PGK1: variants seen among roughly 807,000 people sequenced by gnomAD.
PGK1 encodes the protein phosphoglycerate kinase 1.
PGK1 carries 3 observed loss-of-function variants against 26.9 expected under a neutral mutation model. That is an observed-to-expected ratio of 0.11 (90% CI 0.05 to 0.29). PGK1 has a LOEUF of 0.29. PGK1 is among the 10% of genes least tolerant of loss of function. The probability of loss-of-function intolerance (pLI) is 1.00; values close to 1 mark genes in which losing one functional copy is unlikely to be tolerated. For synonymous variants in PGK1, 125 were observed against 115.3 expected, an observed-to-expected ratio of 1.08 and a Z score of -0.54; for missense variants, 270 against 314.7, an observed-to-expected ratio of 0.86 and a Z score of 1.07.
At chrX:78,113,690 C>G in intron 2 of PGK1, 54 bp from the exon 3 acceptor site, 1 of 1,101,750 alleles carries the variant, frequency 9.1e-7, no homozygotes, top group South Asian at 1.9e-5. Flanking sequence ...AAGCTAGTTC[C>G]CACTAATTTC....
At chrX:78,118,644 G>A (rs2149134288) in intron 6 of PGK1, among the ~76,000 whole-genome samples, 1 of 111,307 alleles carries the variant, frequency 9.0e-6, no homozygotes, top group Non-Finnish European at 1.9e-5. Context: ...TGTGGGTAGG[G>A]TTCAGGGAAA....
At chrX:78,115,262 A>G (rs144736227) in intron 4 of PGK1, among the ~76,000 whole-genome samples, 2,179 of 111,569 alleles carry the variant, frequency 0.02, 49 homozygotes, top group African/African-American at 0.068. Context: ...TGAGCTGACT[A>G]TGTAGTCTAT....
intron 6 of PGK1, among the ~76,000 whole-genome samples, chrX:78,122,183 C>T (rs782320176): frequency 1.1e-4 from 12 of 110,873 alleles, no homozygotes; most frequent in Non-Finnish European, 1.7e-4. Context: ...ACTCCAGCCT[C>T]GGCAACAGAG....
chrX:78,121,278 T>C (rs2078353594), intron 6 of PGK1, among the ~76,000 whole-genome samples: 1 of 112,416 alleles, frequency 8.9e-6, no homozygotes. Context: ...GTATCTCTTG[T>C]AATAATCTCC....
At chrX:78,123,632 CAG>C in intron 8 of PGK1, among the ~76,000 whole-genome samples, 1 of 99,095 alleles carries the variant, frequency 1.0e-5, no homozygotes, top group East Asian at 3.3e-4. Context: ...TTTTTTGAGA[CAG>C]AGTCTCGCTG....
In PGK1 at chrX:78,118,601, TAAAC is replaced by T. The variant is rs374735149; in HGVS notation, c.641+440_641+443del. Among the ~76,000 whole-genome samples the T allele has an allele frequency of 7.8e-3, 851 of 109,050 alleles. 2 individuals are homozygous for T. The highest frequency in any genetic ancestry group is 0.021 in the African/African-American group (636 of 29,970). 94.7% of individuals were successfully genotyped at this position (109,050 alleles called of 115,157 possible). A position where few individuals can be genotyped will look rare whatever the true frequency, so the allele number is the denominator to read the frequency against. ...CTAAATAAATAAATAAATAAATAAATAAACAAACAAACGAACGAACTACATACAG... is the reference window on the plus strand; with the variant it reads ...CTAAATAAATAAATAAATAAATAAATAAACAAACGAACGAACTACATACAG... On this transcript the variant is annotated intron_variant, in intron 6 of 10. Coordinates refer to ENST00000373316, the MANE Select transcript of PGK1 (RefSeq NM_000291.4).
intron 6 of PGK1, among the ~76,000 whole-genome samples, chrX:78,121,399 T>C (rs1165728464): frequency 8.9e-6 from 1 of 111,860 alleles, no homozygotes; most frequent in Non-Finnish European, 1.9e-5. Flanking sequence ...CCTTTGTGTG[T>C]GTATGTGTGT....
intron 10 of PGK1, 57 bp downstream of exon 10, chrX:78,125,482 G>A: frequency 1.3e-6 from 1 of 798,605 alleles, no homozygotes; most frequent in Non-Finnish European, 1.9e-6. Context: ...TGCAGTGAGA[G>A]GTGGGTAGAA....
intron 5 of PGK1, among the ~76,000 whole-genome samples, chrX:78,117,688 AT>A (rs1300131584): frequency 8.9e-6 from 1 of 112,552 alleles, no homozygotes; most frequent in African/African-American, 3.2e-5. Context: ...TTATCCTTTT[AT>A]GAACGTTATA....
At chrX:78,124,754 G>A in intron 8 of PGK1, 120 bp from the exon 9 acceptor site, 1 of 581,138 alleles carries the variant, frequency 1.7e-6, no homozygotes, top group Middle Eastern at 4.9e-4. Flanking sequence ...AAAGACTGAA[G>A]GGTACTATTT....
chrX:78,105,514 A>G (rs1369789834), intron 1 of PGK1, among the ~76,000 whole-genome samples: 2 of 111,335 alleles, frequency 1.8e-5, no homozygotes. Flanking sequence ...CCCTTTTCCA[A>G]TTTGGGCTGG....
chrX:78,125,749 A>G (rs782055637), intron 10 of PGK1, 41 bp from the exon 11 acceptor site: 1 of 1,107,682 alleles, frequency 9.0e-7, no homozygotes, highest in East Asian at 3.0e-5. Flanking sequence ...ACTGGGCCCT[A>G]TAGTAATGCT....
intron 1 of PGK1, among the ~76,000 whole-genome samples, chrX:78,105,028 C>T (rs2078264072): frequency 8.9e-6 from 1 of 112,475 alleles, no homozygotes; most frequent in African/African-American, 3.2e-5. Flanking sequence ...TCGTTGGACT[C>T]TTGGGCACAG....
intron 7 of PGK1, 40 bp downstream of exon 7, chrX:78,122,989 A>G (rs186734599): frequency 3.1e-4 from 253 of 806,909 alleles, no homozygotes; most frequent in Middle Eastern, 2.8e-4. Flanking sequence ...ATAGCTCTCC[A>G]TGATAATAGC....
intron 1 of PGK1, among the ~76,000 whole-genome samples, chrX:78,108,697 A>G (rs184799154): frequency 4.0e-4 from 45 of 111,987 alleles, no homozygotes; most frequent in African/African-American, 1.5e-3. Flanking sequence ...GGAGGCTTAT[A>G]ATCAAGGATA....
chrX:78,127,063 C>T lies in PGK1; in HGVS notation c.*1233C>T, dbSNP rs1557248782. The T allele has an allele frequency of 8.9e-6, 1 of 112,639 alleles. No individual in the cohort carries two copies. 9.3% of individuals were successfully genotyped at this position (112,639 alleles called of 1,213,427 possible). ...TTGCTCTGGTATTTCCTATAACCTT[C>T]TTGGGGATTTCTTTTACCTCCTGTG... On this transcript the variant is annotated 3_prime_UTR_variant, in exon 11 of 11. Transcript: ENST00000373316.
chrX:78,121,703 CTT>C (rs1288575965), intron 6 of PGK1, among the ~76,000 whole-genome samples: 1 of 112,241 alleles, frequency 8.9e-6, no homozygotes, highest in Non-Finnish European at 1.9e-5. Context: ...TAGTTTGGAT[CTT>C]TTTTGTCTCA....
intron 2 of PGK1, among the ~76,000 whole-genome samples, chrX:78,112,014 C>T (rs1402179453): frequency 8.9e-5 from 10 of 111,944 alleles, no homozygotes; most frequent in Non-Finnish European, 1.9e-4. Flanking sequence ...ATATTAATAA[C>T]ATAAGATATT....
In PGK1 at chrX:78,127,904, C is replaced by T. The variant is rs782259418; in HGVS notation, c.*2074C>T. 32 of 112,139 alleles carry T rather than the reference C, an allele frequency of 2.9e-4. No homozygotes were observed. In the South Asian group the frequency reaches 5.1e-3, roughly 18 times the overall value. The allele number at this position is 112,139 out of a possible 1,213,427, so 9.2% of individuals were successfully genotyped here. A position where few individuals can be genotyped will look rare whatever the true frequency, so the allele number is the denominator to read the frequency against. On this transcript the variant is annotated 3_prime_UTR_variant, in exon 11 of 11. Transcript: ENST00000373316. ...TTCCTACTGATTACCTTTCCTCCAA[C>T]GTTTTAAAAATTATTTCAAATGGAA...
Sources: allele counts gnomAD v4.1 joint callset (sites outside exome capture counted in the v4.1 genomes callset), GRCh38; gene constraint gnomAD v4.1.1; transcripts MANE v1.5; gene names NCBI Gene and HGNC (gene_info 2026-07-23, HGNC 2026-07-21).